HDX: variants seen among roughly 807,000 people sequenced by gnomAD.
HDX encodes the protein highly divergent homeobox, also known as chromosome X open reading frame 43.
A neutral mutation model predicts 45.2 loss-of-function variants in HDX; 19 were observed. That is an observed-to-expected ratio of 0.42 (90% CI 0.29 to 0.62). The LOEUF (loss-of-function observed/expected upper bound fraction) is 0.62. Ranked by LOEUF, HDX falls within the 20% of genes least tolerant of loss-of-function variation. The pLI is 0.20. For synonymous variants in HDX, 188 were observed against 172.8 expected (o/e 1.09, Z -0.69); for missense variants, 532 against 493.9 (o/e 1.08, Z -0.73).
intron 1 of HDX, among the ~76,000 whole-genome samples, chrX:84,499,556 T>A (rs951712689): frequency 1.8e-5 from 2 of 111,606 alleles, no homozygotes; most frequent in Admixed American, 9.6e-5. Flanking sequence ...AGAGAAAAGG[T>A]CAAAGGATTT....
intron 4 of HDX, among the ~76,000 whole-genome samples, chrX:84,447,539 T>G (rs2039899378): frequency 9.0e-6 from 1 of 111,120 alleles, no homozygotes; most frequent in African/African-American, 3.3e-5. Flanking sequence ...GGAAGCTGCT[T>G]GAAGATGAGG....
chrX:84,418,923 A>C (rs1238844708), intron 5 of HDX, among the ~76,000 whole-genome samples: 1 of 111,383 alleles, frequency 9.0e-6, no homozygotes, highest in East Asian at 2.8e-4. Context: ...GGAGGACTTC[A>C]TCTTGTATCT....
At chrX:84,371,932 G>A (rs895550666) in intron 5 of HDX, among the ~76,000 whole-genome samples, 2 of 111,840 alleles carry the variant, frequency 1.8e-5, no homozygotes, top group Non-Finnish European at 3.8e-5. Context: ...CAGTGATTAG[G>A]CACCAGTTAT....
chrX:84,400,698 A>T (rs189634399), intron 5 of HDX, among the ~76,000 whole-genome samples: 39 of 111,377 alleles, frequency 3.5e-4, no homozygotes, highest in Non-Finnish European at 6.8e-4. Context: ...AAATAGAAAA[A>T]CTACTTTAAA....
intron 9 of HDX, 42 bp from the exon 10 acceptor site, chrX:84,326,342 A>G: frequency 1.9e-6 from 2 of 1,032,416 alleles, no homozygotes; most frequent in Non-Finnish European, 2.7e-6. Flanking sequence ...CCTTATGTAA[A>G]CCCAGGACTA....
intron 4 of HDX, among the ~76,000 whole-genome samples, chrX:84,451,713 G>T (rs1388438996): frequency 9.2e-6 from 1 of 109,116 alleles, no homozygotes; most frequent in Non-Finnish European, 1.9e-5. Flanking sequence ...ACTAGACAAG[G>T]ATGCAAAAAA....
intron 5 of HDX, among the ~76,000 whole-genome samples, chrX:84,417,945 G>A (rs927772762): frequency 8.9e-6 from 1 of 112,139 alleles, no homozygotes; most frequent in African/African-American, 3.2e-5. Context: ...TCCTCAAGGG[G>A]CTGGTTTATA....
rs1399023236 is a variant in HDX at position 84,320,947 on chromosome X, G to A, written c.*942C>T. The A allele has an allele frequency of 1.8e-5, 2 of 110,503 alleles. No homozygotes were observed. Among genetic ancestry groups the A allele is most frequent in the Non-Finnish European group, 3.8e-5 (2 of 52,312 alleles). 9.1% of individuals were successfully genotyped at this position (110,503 alleles called of 1,213,427 possible). A position where few individuals can be genotyped will look rare whatever the true frequency, so the allele number is the denominator to read the frequency against. ...TGATGGCTCTGTACAGGCCTCATAT[G>A]GAAATGAGGTAAATTTTGTGGCAAA... is the stretch of plus-strand genomic sequence containing the variant. On this transcript the variant is annotated 3_prime_UTR_variant, in exon 11 of 11. Transcript: ENST00000373177.
At chrX:84,423,483 C>CAAAAAAAAAAAAAA (rs538893311) in intron 5 of HDX, among the ~76,000 whole-genome samples, 1 of 59,500 alleles carries the variant, frequency 1.7e-5, no homozygotes, top group African/African-American at 6.4e-5. Context: ...ACAGAAACAT[C>CAAAAAAAAAAAAAA]AAAAAAAAAA....
intron 6 of HDX, among the ~76,000 whole-genome samples, chrX:84,358,430 GCTC>G (rs2037539713): frequency 9.0e-6 from 1 of 111,583 alleles, no homozygotes; most frequent in African/African-American, 3.3e-5. Context: ...TGTTGCTTAA[GCTC>G]CTCATACTAT....
chrX:84,353,494 T>TGACCTTC (rs1471717187), intron 6 of HDX, among the ~76,000 whole-genome samples: 1 of 111,756 alleles, frequency 8.9e-6, no homozygotes, highest in Admixed American at 9.5e-5. Context: ...TCCATACTTC[T>TGACCTTC]GACCTTCCAG....
chrX:84,496,949 T>C (rs770795791), intron 1 of HDX, among the ~76,000 whole-genome samples: 3 of 111,362 alleles, frequency 2.7e-5, no homozygotes, highest in Non-Finnish European at 5.7e-5. Context: ...TCCCCACATG[T>C]GGAGGGAGTA....
At chrX:84,491,031 C>T (rs7888797) in intron 1 of HDX, among the ~76,000 whole-genome samples, 3,974 of 110,750 alleles carry the variant, frequency 0.036, 166 homozygotes, top group African/African-American at 0.12. Context: ...TTTTCTTCAT[C>T]GTTCTTATTT....
chrX:84,464,141 A>G (rs1362548260), intron 4 of HDX, among the ~76,000 whole-genome samples: 2 of 111,221 alleles, frequency 1.8e-5, no homozygotes, highest in Non-Finnish European at 1.9e-5. Context: ...GACAAAATGG[A>G]GAACTACAAA....
chrX:84,322,871 T>C (rs935481581), intron 10 of HDX, among the ~76,000 whole-genome samples: 2 of 111,272 alleles, frequency 1.8e-5, no homozygotes, highest in East Asian at 2.8e-4. Flanking sequence ...TAATGTAGCA[T>C]ATCTGGCAAT....
chrX:84,365,930 A>G (rs1021593050), intron 5 of HDX, among the ~76,000 whole-genome samples: 1 of 112,170 alleles, frequency 8.9e-6, no homozygotes, highest in Non-Finnish European at 1.9e-5. Flanking sequence ...GCACAAAGCA[A>G]GGATGCCCTC....
intron 5 of HDX, among the ~76,000 whole-genome samples, chrX:84,386,340 T>C (rs1435164024): frequency 9.0e-6 from 1 of 111,142 alleles, no homozygotes; most frequent in African/African-American, 3.3e-5. Context: ...CTGTCAGATT[T>C]TTGTATTAGG....
intron 9 of HDX, among the ~76,000 whole-genome samples, chrX:84,333,461 G>A (rs978110450): frequency 9.0e-6 from 1 of 110,967 alleles, no homozygotes; most frequent in African/African-American, 3.3e-5. Flanking sequence ...ATGAACATTG[G>A]CTTTATAAAA....
chrX:84,459,546 C>T (rs183382387), intron 4 of HDX, among the ~76,000 whole-genome samples: 18 of 108,098 alleles, frequency 1.7e-4, no homozygotes, highest in Admixed American at 1.6e-3. Context: ...ATAGCAAAAG[C>T]AGTATTAAGA....
Sources: gnomAD v4.1 joint callset for allele counts (sites outside exome capture counted in the v4.1 genomes callset) on GRCh38, gnomAD v4.1.1 for gene constraint, MANE v1.5 for transcripts, NCBI Gene and HGNC (gene_info 2026-07-23, HGNC 2026-07-21) for gene names.